Variants in CHD7 observed in about 807,000 individuals in gnomAD.
CHD7 encodes ATP-dependent chromatin remodeler CHD7.
In CHD7, 24 loss-of-function variants were observed where a neutral mutation model predicts 307.3. The observed-to-expected ratio is 0.08, with a 90% confidence interval of 0.06 to 0.11. The LOEUF is 0.11. Among genes scored for constraint, CHD7 ranks in the 10% least tolerant of loss-of-function variants. CHD7 has a pLI of 1.00. For missense variants in CHD7, 3,106 were observed against 3,727.1 expected (o/e 0.83, Z 4.34); for synonymous variants, 1,363 against 1,349.9 (o/e 1.01, Z -0.21).
intron 1 of CHD7, among the ~76,000 whole-genome samples, chr8:60,704,967 G>A (rs536599668): frequency 6.6e-6 from 1 of 152,266 alleles, no homozygotes; most frequent in South Asian, 2.1e-4. Flanking sequence ...GCAGCCCCTG[G>A]CCAGTCACCA....
intron 15 of CHD7, 85 bp from the exon 16 acceptor site, chr8:60,835,988 T>C: frequency 1.0e-6 from 1 of 954,376 alleles, no homozygotes; most frequent in Non-Finnish European, 1.6e-6. Flanking sequence ...TCCTACAGTT[T>C]GCAATGGGTT....
At position 60,781,171 on chromosome 8, in the gene CHD7, A is replaced by C; in HGVS notation, c.1837A>C (p.Lys613Gln). The C allele has an allele frequency of 1.2e-6, 2 of 1,607,196 alleles. No homozygotes were observed. Among genetic ancestry groups the C allele is most frequent in the Non-Finnish European group, 1.7e-6 (2 of 1,176,670 alleles). ...CCACATTGTAGCAGAGGATCCCAGT[A>C]AAGGTTTTGGTAAAGATGACTTCCC... Reference protein sequence around the residue: ...NNHIVAEDPSKGFGKDDFPGG... With the variant: ...NNHIVAEDPSQGFGKDDFPGG... The change falls in exon 3 of 38, where the codon AAA (lysine) becomes CAA (glutamine). Residue 613 changes from lysine to glutamine, a missense_variant. Physicochemically the swap from Lys to Gln is moderately conservative, Grantham distance 53 (BLOSUM62 1). Coordinates refer to ENST00000423902, the MANE Select transcript of CHD7 (RefSeq NM_017780.4).
chr8:60,849,291 G>T lies in CHD7; in HGVS notation c.5404+137G>T, dbSNP rs1368953117. On this transcript the variant is annotated intron_variant, in intron 25 of 37. Coordinates refer to ENST00000423902, the MANE Select transcript of CHD7 (RefSeq NM_017780.4). ...GACTCTTGGCGTCTACCATTTTTCT[G>T]TACTAAAAATCTAATATGAACTGTA... 6 of 526,056 alleles carry T rather than the reference G, an allele frequency of 1.1e-5. No individual in the cohort carries two copies. In the South Asian group the frequency reaches 2.1e-4, roughly 18 times the overall value. 32.6% of individuals were successfully genotyped at this position (526,056 alleles called of 1,614,324 possible).
intron 13 of CHD7, chr8:60,825,482 C>T (rs1436386869): frequency 6.6e-6 from 1 of 152,210 alleles, no homozygotes; most frequent in African/African-American, 2.4e-5. Context: ...AGTGAATAGT[C>T]TCAGGGACCT....
rs1410995937 is a variant in CHD7, at chr8:60,865,775, C to T, written c.8836C>T (p.Pro2946Ser). The T allele has an allele frequency of 1.9e-6, 3 of 1,613,960 alleles. No individual in the cohort carries two copies. The highest frequency in any genetic ancestry group is 1.7e-6 in the Non-Finnish European group (2 of 1,179,876). ...EKAADKAEGG[P>S]FKDGETLEGS... Reference sequence around the variant, plus strand: ...GGCTGCTGACAAGGCTGAGGGAGGACCCTTTAAAGATGGAGAGACCCTTGA... The same window carrying T: ...GGCTGCTGACAAGGCTGAGGGAGGATCCTTTAAAGATGGAGAGACCCTTGA... The change falls in exon 38 of 38, where the codon CCC becomes TCC. Residue 2946 changes from proline to serine, a missense_variant. Coordinates refer to ENST00000423902, the MANE Select transcript of CHD7 (RefSeq NM_017780.4). The surrounding 1 kb of genome is among the most constrained non-coding windows in gnomAD (Gnocchi z 4.3).
In CHD7 at chr8:60,789,696, C is replaced by T. The variant is rs190828681; in HGVS notation, c.2097-5290C>T. On this transcript the variant is annotated intron_variant, in intron 3 of 37. Transcript: ENST00000423902. Reference sequence around the variant, plus strand: ...ACCTGGCTTTCCAGTAAATTATGGCCGTTTGTATCAAGCTTTGTTTAGAAA... The same window carrying T: ...ACCTGGCTTTCCAGTAAATTATGGCTGTTTGTATCAAGCTTTGTTTAGAAA... Among the ~76,000 whole-genome samples the T allele has an allele frequency of 2.3e-3, 343 of 152,232 alleles. 1 individual carries two copies. The highest frequency in any genetic ancestry group is 7.2e-3 in the African/African-American group (298 of 41,536).
intron 36 of CHD7, 96 bp downstream of exon 36, chr8:60,862,432 T>C: frequency 6.7e-7 from 1 of 1,485,484 alleles, no homozygotes; most frequent in Non-Finnish European, 9.1e-7. Flanking sequence ...AAGAATCCTG[T>C]CTGCCCGAAT....
chr8:60,702,259 T>G (rs1212730478), intron 1 of CHD7, among the ~76,000 whole-genome samples: 1 of 152,202 alleles, frequency 6.6e-6, no homozygotes, highest in African/African-American at 2.4e-5. Flanking sequence ...TAAATGTTAA[T>G]TACTTTTTCT....
At chr8:60,697,176 A>G (rs1332731802) in intron 1 of CHD7, among the ~76,000 whole-genome samples, 1 of 152,198 alleles carries the variant, frequency 6.6e-6, no homozygotes, top group Non-Finnish European at 1.5e-5. Flanking sequence ...CTAAAGTTAA[A>G]CAGTTTATTC....
intron 1 of CHD7, among the ~76,000 whole-genome samples, chr8:60,735,087 T>C (rs1808633400): frequency 6.6e-6 from 1 of 152,208 alleles, no homozygotes; most frequent in African/African-American, 2.4e-5. Flanking sequence ...ATGTGGGATG[T>C]ACTGGGGCGT....
intron 6 of CHD7, among the ~76,000 whole-genome samples, chr8:60,806,780 A>G (rs75783634): frequency 0.018 from 2,795 of 152,058 alleles, 74 homozygotes; most frequent in African/African-American, 0.053. Flanking sequence ...AGACGGGGGG[A>G]TTGCTTGAGC....
intron 1 of CHD7, among the ~76,000 whole-genome samples, chr8:60,722,268 T>C (rs1396879132): frequency 6.6e-6 from 1 of 152,198 alleles, no homozygotes; most frequent in African/African-American, 2.4e-5. Flanking sequence ...GCTTTTTTGG[T>C]GATTGAGACA....
chr8:60,815,491 G>A (rs1212652291), intron 7 of CHD7, among the ~76,000 whole-genome samples: 1 of 152,112 alleles, frequency 6.6e-6, no homozygotes, highest in Non-Finnish European at 1.5e-5. Flanking sequence ...GAATATTGAA[G>A]AACTAAGCAA....
intron 6 of CHD7, among the ~76,000 whole-genome samples, chr8:60,804,115 C>T (rs1812438945): frequency 6.6e-6 from 1 of 152,178 alleles, no homozygotes; most frequent in African/African-American, 2.4e-5. Flanking sequence ...TAAGTCAGCA[C>T]CTCATGTTAA....
At chr8:60,769,432 A>G (rs1274395094) in intron 2 of CHD7, among the ~76,000 whole-genome samples, 1 of 152,204 alleles carries the variant, frequency 6.6e-6, no homozygotes, top group Admixed American at 6.5e-5. Flanking sequence ...ATAAAAATAG[A>G]TATCATTGAT....
intron 4 of CHD7, among the ~76,000 whole-genome samples, chr8:60,796,044 G>A (rs936207473): frequency 6.6e-6 from 1 of 152,212 alleles, no homozygotes; most frequent in East Asian, 1.9e-4. Flanking sequence ...GTGCAGCTCT[G>A]TTCCAAAGAA....
At chr8:60,764,691 G>C (rs1373991390) in intron 2 of CHD7, among the ~76,000 whole-genome samples, 1 of 152,166 alleles carries the variant, frequency 6.6e-6, no homozygotes. Context: ...TGCTATGTGA[G>C]GTCCTGAAGG....
chr8:60,860,955 A>G lies in CHD7; in HGVS notation c.7660A>G (p.Thr2554Ala). The G allele has an allele frequency of 6.2e-7, 1 of 1,614,008 alleles. No homozygotes were observed. The highest frequency in any genetic ancestry group is 8.5e-7 in the Non-Finnish European group (1 of 1,179,896). Residue 2554 changes from threonine (T) to alanine (A), a missense_variant, in exon 35 of 38, where the codon ACA becomes GCA. Physicochemically the swap from Thr to Ala is moderately conservative, Grantham distance 58 (BLOSUM62 0). Transcript: ENST00000423902. The part of the protein sequence containing the change: ...AFEEDIETPP[T>A]RNIPSPGQLD... ...TGAAGAAGATATAGAGACCCCACCA[A>G]CAAGAAACATTCCTTCTCCCGGACA...
intron 6 of CHD7, among the ~76,000 whole-genome samples, chr8:60,804,878 C>CT (rs1812469930): frequency 6.6e-6 from 1 of 152,164 alleles, no homozygotes; most frequent in Non-Finnish European, 1.5e-5. Context: ...ATGTTTGAAA[C>CT]TTTAAGTGTC....
Sources: allele counts gnomAD v4.1 joint callset (sites outside exome capture counted in the v4.1 genomes callset), GRCh38; gene constraint gnomAD v4.1.1; non-coding constraint Gnocchi (gnomAD v3.1); transcripts MANE v1.5; gene names NCBI Gene and HGNC (gene_info 2026-07-23, HGNC 2026-07-21).